The following CHAT variants were observed in gnomAD, a reference collection of about 807,000 sequenced individuals.
CHAT encodes the protein choline O-acetyltransferase.
In CHAT, 61 loss-of-function variants were observed where a neutral mutation model predicts 76.9. That is an observed-to-expected ratio of 0.79 (90% CI 0.65 to 0.98). The LOEUF is 0.98. Among genes scored for constraint, CHAT ranks in the 50% least tolerant of loss-of-function variants. CHAT has a pLI of 0.00. For missense variants in CHAT, 946 were observed against 986.9 expected (o/e 0.96, Z 0.56); for synonymous variants, 407 against 397.4 (o/e 1.02, Z -0.29).
intron 10 of CHAT, 78 bp downstream of exon 10, chr10:49,649,714 T>C: frequency 6.4e-7 from 1 of 1,552,960 alleles, no homozygotes; most frequent in Non-Finnish European, 8.9e-7. Flanking sequence ...CAAGGCTCCC[T>C]GGAAGTTTCC....
At chr10:49,622,175 G>A (rs202244089) in intron 5 of CHAT, 25 bp downstream of exon 5, 3 of 1,612,058 alleles carry the variant, frequency 1.9e-6, no homozygotes, top group African/African-American at 1.3e-5. Context: ...GTGGTGCCCT[G>A]TTCCAGCACA....
rs776411377 is a variant in CHAT at position 49,614,308 on chromosome 10, G to C, written c.119G>C (p.Gly40Ala). The change falls in exon 1 of 15, where the codon GGT (glycine) becomes GCT (alanine). Residue 40 changes from glycine to alanine, a missense_variant. Coordinates refer to ENST00000337653, the MANE Select transcript of CHAT (RefSeq NM_020549.5). ...EVRPACFLQSGGRGDPGDVGG... is the reference protein window; with the variant it reads ...EVRPACFLQSAGRGDPGDVGG... Reference sequence around the variant, plus strand: ...CGGCCAGCTTGCTTTCTCCAGTCGGGTGGCCGCGGGGACCCGGGCGACGTC... The same window carrying C: ...CGGCCAGCTTGCTTTCTCCAGTCGGCTGGCCGCGGGGACCCGGGCGACGTC... 1 of 1,547,960 alleles carries C rather than the reference G, an allele frequency of 6.5e-7. No individual in the cohort carries two copies. The highest frequency in any genetic ancestry group is 8.7e-7 in the Non-Finnish European group (1 of 1,146,276).
chr10:49,619,775 C>T lies in CHAT; in HGVS notation c.438C>T (p.Tyr146=), dbSNP rs61731734. The change falls in exon 3 of 15, where the codon TAC becomes TAT. Residue 146 remains tyrosine (Y), a synonymous_variant. Coordinates refer to ENST00000337653, the MANE Select transcript of CHAT (RefSeq NM_020549.5). ...CGCTGCAGCAGACCCTGGCCACGTA[C>T]CTGCAGTGCATGCGACACTTGGTGT... The part of the protein sequence containing the change: ...VPPLQQTLAT[Y]LQCMRHLVSE... 5,303 of 1,614,028 alleles carry T rather than the reference C, an allele frequency of 3.3e-3. 24 individuals are homozygous for T. Among genetic ancestry groups the T allele is most frequent in the Non-Finnish European group, 3.7e-3 (4,372 of 1,180,024 alleles).
At chr10:49,612,832 T>G (rs559727197), upstream of CHAT, 64 of 156,758 alleles carry the variant, frequency 4.1e-4, 1 homozygote, top group Admixed American at 2.5e-3. Flanking sequence ...AACTAACACG[T>G]AGGCACCTGT....
rs144600343 is a variant in CHAT, at chr10:49,660,686, T to C, written c.1840-1959T>C. Among the ~76,000 whole-genome samples the C allele has an allele frequency of 2.0e-5, 3 of 152,348 alleles. No homozygotes were observed. The South Asian group carries it at 6.2e-4, about 32-fold the overall frequency. On this transcript the variant is annotated intron_variant, in intron 13 of 14. Transcript: ENST00000337653. The stretch of plus-strand genomic sequence containing the variant: ...TATAAATATATGACAATAACAACTT[T>C]AAATTTATTAAAATGTCTAGGAAAA...
At chr10:49,630,777 T>A (rs1839091202) in intron 7 of CHAT, among the ~76,000 whole-genome samples, 1 of 152,064 alleles carries the variant, frequency 6.6e-6, no homozygotes, top group African/African-American at 2.4e-5. Flanking sequence ...GGCCTTTGGT[T>A]GGTACAGGGT....
At chr10:49,653,449 C>T (rs1433875215) in intron 11 of CHAT, among the ~76,000 whole-genome samples, 1 of 152,176 alleles carries the variant, frequency 6.6e-6, no homozygotes, top group Non-Finnish European at 1.5e-5. Flanking sequence ...TTTGCAACTT[C>T]CATGAAGGGC....
At chr10:49,616,018 C>T (rs561809759) in intron 1 of CHAT, 88 of 1,611,740 alleles carry the variant, frequency 5.5e-5, no homozygotes, top group Admixed American at 2.8e-4. Context: ...CCTCCACCAA[C>T]GGAGTGAGGG....
At chr10:49,664,655 G>A (rs1840296835) in intron 14 of CHAT, 122 bp from the exon 15 acceptor site, 2 of 1,192,610 alleles carry the variant, frequency 1.7e-6, no homozygotes, top group Non-Finnish European at 1.2e-6. Flanking sequence ...CCATGCTAAA[G>A]CAATCACTTG....
At chr10:49,658,390 G>A (rs1840095734) in intron 13 of CHAT, among the ~76,000 whole-genome samples, 1 of 152,188 alleles carries the variant, frequency 6.6e-6, no homozygotes, top group African/African-American at 2.4e-5. Context: ...GGTTGCACAT[G>A]CCTGCAATCC....
At chr10:49,642,779 C>A (rs770281580) in intron 7 of CHAT, among the ~76,000 whole-genome samples, 3 of 152,238 alleles carry the variant, frequency 2.0e-5, no homozygotes, top group Non-Finnish European at 4.4e-5. Context: ...AGAGTTCACC[C>A]TGAGGTATGG....
intron 5 of CHAT, among the ~76,000 whole-genome samples, chr10:49,624,672 G>C (rs575597673): frequency 6.6e-6 from 1 of 152,350 alleles, no homozygotes; most frequent in Non-Finnish European, 1.5e-5. Flanking sequence ...CTATACGGAG[G>C]ACGTGCTTCA....
At chr10:49,649,401 C>T in intron 9 of CHAT, 107 bp from the exon 10 acceptor site, 1 of 1,551,054 alleles carries the variant, frequency 6.4e-7, no homozygotes, top group Non-Finnish European at 8.9e-7. Context: ...CCTGAAACTC[C>T]ATGGCCGCAA....
intron 10 of CHAT, chr10:49,651,595 C>T (rs1012169864): frequency 4.6e-6 from 2 of 433,524 alleles, no homozygotes; most frequent in African/African-American, 2.0e-5. Flanking sequence ...ATCCCTGACT[C>T]ACTAACACAG....
chr10:49,664,499 G>A (rs1840290726), intron 14 of CHAT, among the ~76,000 whole-genome samples: 1 of 152,180 alleles, frequency 6.6e-6, no homozygotes, highest in Non-Finnish European at 1.5e-5. Flanking sequence ...TGGAGACTCA[G>A]CCCAAGACCT....
chr10:49,626,590 C>T (rs1314542218), intron 6 of CHAT, among the ~76,000 whole-genome samples: 1 of 152,116 alleles, frequency 6.6e-6, no homozygotes, highest in Admixed American at 6.5e-5. Context: ...ACACCTTGGC[C>T]ATAGACCAAG....
chr10:49,637,065 T>C (rs1839319017), intron 7 of CHAT, among the ~76,000 whole-genome samples: 1 of 151,984 alleles, frequency 6.6e-6, no homozygotes, highest in African/African-American at 2.4e-5. Flanking sequence ...AGTCTCTCTA[T>C]GAATTTGATT....
intron 6 of CHAT, among the ~76,000 whole-genome samples, chr10:49,627,388 T>C (rs1342088850): frequency 6.6e-6 from 1 of 152,226 alleles, no homozygotes; most frequent in Non-Finnish European, 1.5e-5. Context: ...ACATTTTCTT[T>C]TGGCTAAGTT....
intron 8 of CHAT, 66 bp from the exon 9 acceptor site, chr10:49,648,441 G>T: frequency 1.6e-6 from 2 of 1,285,680 alleles, no homozygotes; most frequent in African/African-American, 2.9e-5. Flanking sequence ...GCCTAACCTG[G>T]GGCCAAGGGG....
Sources: allele counts gnomAD v4.1 joint callset (sites outside exome capture counted in the v4.1 genomes callset), GRCh38; gene constraint gnomAD v4.1.1; transcripts MANE v1.5; gene names NCBI Gene and HGNC (gene_info 2026-07-23, HGNC 2026-07-21).